The following PCDHA12 variants were observed in gnomAD, a reference collection of about 807,000 sequenced individuals.
PCDHA12 encodes protocadherin alpha-12.
A neutral mutation model predicts 60.0 loss-of-function variants in PCDHA12; 44 were observed. That is an observed-to-expected ratio of 0.73 (90% CI 0.58 to 0.94). The LOEUF (loss-of-function observed/expected upper bound fraction) is 0.94, where lower values mean the gene tolerates loss of function less well. Ranked by LOEUF, PCDHA12 falls within the 40% of genes least tolerant of loss-of-function variation. The pLI, the probability that PCDHA12 is intolerant of heterozygous loss-of-function variation, is 0.00. For synonymous variants in PCDHA12, 569 were observed against 553.0 expected, an observed-to-expected ratio of 1.03 and a Z score of -0.40; for missense variants, 1,276 against 1,239.7, an observed-to-expected ratio of 1.03 and a Z score of -0.44.
At chr5:140,909,344 C>T (rs900022411) in intron 1 of PCDHA12, among the ~76,000 whole-genome samples, 1 of 152,164 alleles carries the variant, frequency 6.6e-6, no homozygotes, top group Non-Finnish European at 1.5e-5. Context: ...TACCAGGTAC[C>T]AAGAGATGTG....
intron 1 of PCDHA12, chr5:140,882,209 A>G (rs781846726): frequency 5.2e-6 from 8 of 1,531,724 alleles, no homozygotes; most frequent in Non-Finnish European, 7.0e-6. Context: ...GCCTTGAGAG[A>G]CAGTTTGAGG....
intron 3 of PCDHA12, among the ~76,000 whole-genome samples, chr5:140,999,095 G>C (rs1554256620): frequency 6.6e-6 from 1 of 152,202 alleles, no homozygotes; most frequent in African/African-American, 2.4e-5. Flanking sequence ...GAGGGCTATG[G>C]AGAGTAACCT....
chr5:140,966,543 A>G lies in PCDHA12; in HGVS notation c.2368-12406A>G, dbSNP rs200134570. 641 of 461,190 alleles carry G rather than the reference A, an allele frequency of 1.4e-3. 4 individuals carry two copies. The highest frequency in any genetic ancestry group is 0.011 in the African/African-American group (555 of 49,108). The allele number at this position is 461,190 out of a possible 1,614,324, so 28.6% of individuals were successfully genotyped here. ...AGCCGAGCCGGGTTGAGCGACTCGGAGGCGAGCGGAGGAGCTGGAATATGG... is the reference window on the plus strand; with the variant it reads ...AGCCGAGCCGGGTTGAGCGACTCGGGGGCGAGCGGAGGAGCTGGAATATGG... On this transcript the variant is annotated intron_variant, in intron 1 of 3. Coordinates refer to ENST00000398631, the MANE Select transcript of PCDHA12 (RefSeq NM_018903.4).
chr5:140,908,455 A>G (rs1425485479), intron 1 of PCDHA12, among the ~76,000 whole-genome samples: 7 of 152,178 alleles, frequency 4.6e-5, no homozygotes, highest in South Asian at 4.1e-4. Flanking sequence ...GGCTAGATGG[A>G]TCAGAAAGCA....
At chr5:140,995,235 A>G (rs1313042272) in intron 3 of PCDHA12, among the ~76,000 whole-genome samples, 1 of 152,188 alleles carries the variant, frequency 6.6e-6, no homozygotes, top group Non-Finnish European at 1.5e-5. Flanking sequence ...TGGGGCCAGT[A>G]TTAAGTAAAA....
intron 3 of PCDHA12, among the ~76,000 whole-genome samples, chr5:140,996,886 T>C (rs1396322934): frequency 6.6e-6 from 1 of 152,218 alleles, no homozygotes; most frequent in Non-Finnish European, 1.5e-5. Context: ...TATTTTTAAA[T>C]AAAATAGAAT....
chr5:140,966,958 G>C (rs561982676), intron 1 of PCDHA12: 1 of 1,602,498 alleles, frequency 6.2e-7, no homozygotes, highest in South Asian at 1.1e-5. Context: ...TGGCTCGCGC[G>C]CTGGGGCTTG....
At chr5:140,973,449 C>CT (rs2096588066) in intron 1 of PCDHA12, among the ~76,000 whole-genome samples, 1 of 152,188 alleles carries the variant, frequency 6.6e-6, no homozygotes, top group African/African-American at 2.4e-5. Flanking sequence ...TTTATAATGA[C>CT]TGGGGCTGTT....
chr5:140,929,698 G>A (rs2086308201), intron 1 of PCDHA12: 1 of 263,620 alleles, frequency 3.8e-6, no homozygotes, highest in Non-Finnish European at 7.5e-6. Flanking sequence ...TGCTTTATAT[G>A]AATATAATAT....
At chr5:140,948,245 A>G (rs1554218500) in intron 1 of PCDHA12, among the ~76,000 whole-genome samples, 2 of 151,606 alleles carry the variant, frequency 1.3e-5, no homozygotes, top group African/African-American at 4.8e-5. Flanking sequence ...TTTAGTAAAT[A>G]TTTTTACATC....
intron 1 of PCDHA12, among the ~76,000 whole-genome samples, chr5:140,892,616 G>C (rs781995267): frequency 6.6e-6 from 1 of 151,910 alleles, no homozygotes; most frequent in Non-Finnish European, 1.5e-5. Flanking sequence ...TTTATTTCCA[G>C]TTGGTACATA....
intron 1 of PCDHA12, among the ~76,000 whole-genome samples, chr5:140,881,731 T>C (rs1457530470): frequency 6.6e-6 from 1 of 152,224 alleles, no homozygotes; most frequent in Non-Finnish European, 1.5e-5. Flanking sequence ...TGAAAAATAT[T>C]ACAGGAAGAG....
At chr5:140,904,074 T>G (rs2070811489) in intron 1 of PCDHA12, among the ~76,000 whole-genome samples, 1 of 152,214 alleles carries the variant, frequency 6.6e-6, no homozygotes, top group East Asian at 1.9e-4. Flanking sequence ...GGGAACAGTA[T>G]TTGGTTACAT....
intron 1 of PCDHA12, among the ~76,000 whole-genome samples, chr5:140,878,377 T>C (rs2057568265): frequency 6.6e-6 from 1 of 152,274 alleles, no homozygotes; most frequent in Non-Finnish European, 1.5e-5. Flanking sequence ...ATATGATGAA[T>C]GATTTTCTTC....
At chr5:140,933,262 T>G (rs2088985963) in intron 1 of PCDHA12, among the ~76,000 whole-genome samples, 1 of 152,012 alleles carries the variant, frequency 6.6e-6, no homozygotes, top group South Asian at 2.1e-4. Flanking sequence ...AAAAGGTTAT[T>G]ATATATTCAT....
intron 1 of PCDHA12, among the ~76,000 whole-genome samples, chr5:140,907,434 A>G (rs782559641): frequency 2.5e-4 from 38 of 152,256 alleles, no homozygotes; most frequent in Non-Finnish European, 4.4e-4. Context: ...GCATTCTGTG[A>G]GTCCACAGAT....
At chr5:140,958,192 C>G (rs1554223363) in intron 1 of PCDHA12, among the ~76,000 whole-genome samples, 1 of 151,790 alleles carries the variant, frequency 6.6e-6, no homozygotes, top group Non-Finnish European at 1.5e-5. Context: ...TGTTACTGGT[C>G]TAGTATACAA....
intron 1 of PCDHA12, among the ~76,000 whole-genome samples, chr5:140,892,460 C>T (rs1428598912): frequency 1.3e-5 from 2 of 152,102 alleles, no homozygotes; most frequent in African/African-American, 2.4e-5. Context: ...TCTTTAAGTA[C>T]GGTTATTCAG....
intron 3 of PCDHA12, among the ~76,000 whole-genome samples, chr5:141,007,395 C>CAAAAAAAAAAAAAAAA (rs35800918): frequency 3.2e-5 from 3 of 94,864 alleles, no homozygotes; most frequent in Non-Finnish European, 4.1e-5. Flanking sequence ...TACTAAAATA[C>CAAAAAAAAAAAAAAAA]AAAAAAAAAA....
Sources: gnomAD v4.1 joint callset for allele counts (sites outside exome capture counted in the v4.1 genomes callset) on GRCh38, gnomAD v4.1.1 for gene constraint, MANE v1.5 for transcripts, NCBI Gene and HGNC (gene_info 2026-07-23, HGNC 2026-07-21) for gene names.